The following BBS9 variants were observed in gnomAD, a reference collection of about 807,000 sequenced individuals.
BBS9 encodes the protein Bardet-Biedl syndrome 9, also known as protein PTHB1.
A neutral mutation model predicts 117.7 loss-of-function variants in BBS9; 89 were observed. The observed-to-expected ratio is 0.76, with a 90% CI of 0.64 to 0.90. The LOEUF (loss-of-function observed/expected upper bound fraction) is 0.90. BBS9 is among the 40% of genes least tolerant of loss of function. The pLI, the probability that BBS9 is intolerant of heterozygous loss-of-function variation, is 0.00. For synonymous variants in BBS9, 379 were observed against 370.9 expected, an observed-to-expected ratio of 1.02 and a Z score of -0.25; for missense variants, 982 against 1,042.2, an observed-to-expected ratio of 0.94 and a Z score of 0.80.
intron 21 of BBS9, among the ~76,000 whole-genome samples, chr7:33,545,920 A>T (rs1853262158): frequency 7.4e-6 from 1 of 135,072 alleles, no homozygotes; most frequent in Non-Finnish European, 1.5e-5. Context: ...ACTGCTTTAT[A>T]ATCCTTTTTT....
rs1288002467 is a variant in BBS9, at chr7:33,544,816, G to A, written c.2521+10640G>A. On this transcript the variant is annotated intron_variant, in intron 21 of 22. Transcript: ENST00000242067. ...TGGATAGGGAGAGACCACACAGGTC[G>A]GGGTGGGACTAGGTGTGTATGAGTT... Among the ~76,000 whole-genome samples the A allele has an allele frequency of 2.6e-5, 4 of 152,114 alleles. No individual in the cohort carries two copies. The South Asian group carries it at 6.2e-4, about 24-fold the overall frequency.
intron 5 of BBS9, among the ~76,000 whole-genome samples, chr7:33,207,552 T>C (rs11526177): frequency 0.2 from 29,490 of 150,418 alleles, 3,048 homozygotes; most frequent in Non-Finnish European, 0.23. Context: ...TTTTTTTTTG[T>C]TAGCATTTCT....
intron 21 of BBS9, among the ~76,000 whole-genome samples, chr7:33,626,789 A>G (rs1200214966): frequency 6.6e-6 from 1 of 152,226 alleles, no homozygotes; most frequent in Admixed American, 6.5e-5. Context: ...GCAGCAAAGC[A>G]TTAAATATGT....
At chr7:33,216,309 C>G (rs1487734186) in intron 5 of BBS9, among the ~76,000 whole-genome samples, 2 of 152,172 alleles carry the variant, frequency 1.3e-5, no homozygotes, top group Non-Finnish European at 2.9e-5. Context: ...AAATTCTTTA[C>G]TCTTGGTTGA....
At chr7:33,482,260 G>A (rs1192189335) in intron 19 of BBS9, among the ~76,000 whole-genome samples, 1 of 152,194 alleles carries the variant, frequency 6.6e-6, no homozygotes, top group Non-Finnish European at 1.5e-5. Context: ...TGCTCACTGA[G>A]TGGCAGAGGG....
At chr7:33,353,023 T>C (rs1818960598) in intron 15 of BBS9, 150 bp downstream of exon 15, 2 of 759,444 alleles carry the variant, frequency 2.6e-6, no homozygotes, top group South Asian at 3.6e-5. Context: ...TTGATTCTGC[T>C]ATGGAGAGCA....
chr7:33,515,362 C>T (rs11971061), intron 20 of BBS9, among the ~76,000 whole-genome samples: 7,744 of 147,966 alleles, frequency 0.052, 231 homozygotes, highest in African/African-American at 0.077. Flanking sequence ...TACAGCTCAT[C>T]GCTGTGTTTT....
intron 4 of BBS9, among the ~76,000 whole-genome samples, chr7:33,166,725 G>A (rs1584257562): frequency 2.0e-5 from 3 of 152,352 alleles, no homozygotes; most frequent in African/African-American, 7.2e-5. Context: ...GCCATTTGCT[G>A]AGACTGTTGG....
At chr7:33,266,928 A>G (rs868401373) in intron 7 of BBS9, among the ~76,000 whole-genome samples, 10 of 152,020 alleles carry the variant, frequency 6.6e-5, no homozygotes, top group Admixed American at 1.3e-4. Context: ...TATTTTTAGT[A>G]CAGATGGGGT....
At chr7:33,619,748 A>G (rs1416520330) in intron 21 of BBS9, among the ~76,000 whole-genome samples, 2 of 152,198 alleles carry the variant, frequency 1.3e-5, no homozygotes, top group African/African-American at 4.8e-5. Context: ...CTCCTGAATA[A>G]CCAATGGGTC....
chr7:33,215,224 C>G (rs1788827310), intron 5 of BBS9, among the ~76,000 whole-genome samples: 1 of 152,084 alleles, frequency 6.6e-6, no homozygotes, highest in South Asian at 2.1e-4. Context: ...GGAGGCATCG[C>G]ACTACTTGAC....
At chr7:33,418,640 G>A (rs985296790) in intron 19 of BBS9, among the ~76,000 whole-genome samples, 32 of 152,288 alleles carry the variant, frequency 2.1e-4, no homozygotes, top group African/African-American at 7.7e-4. Flanking sequence ...GAATGCTGTG[G>A]TGGCTTCACC....
At chr7:33,275,226 A>T (rs1417119926) in intron 9 of BBS9, among the ~76,000 whole-genome samples, 2 of 152,192 alleles carry the variant, frequency 1.3e-5, no homozygotes, top group African/African-American at 4.8e-5. Flanking sequence ...TTGCTTTCTT[A>T]TGTTTTATGA....
intron 5 of BBS9, among the ~76,000 whole-genome samples, chr7:33,237,072 A>T (rs1225865708): frequency 1.3e-5 from 2 of 152,188 alleles, no homozygotes; most frequent in East Asian, 3.8e-4. Flanking sequence ...AAAATATAAA[A>T]TGAATACATT....
chr7:33,245,551 A>G (rs990154840), intron 5 of BBS9, among the ~76,000 whole-genome samples: 6 of 152,136 alleles, frequency 3.9e-5, no homozygotes, highest in Non-Finnish European at 5.9e-5. Flanking sequence ...TTTTGGTTCT[A>G]GTGGATGCGA....
chr7:33,568,179 C>T (rs1160604340), intron 21 of BBS9, among the ~76,000 whole-genome samples: 5 of 152,142 alleles, frequency 3.3e-5, no homozygotes, highest in Non-Finnish European at 7.3e-5. Context: ...AGCCTTGTCT[C>T]TCAGCACTCC....
chr7:33,346,356 A>T, intron 12 of BBS9: 1 of 420,136 alleles, frequency 2.4e-6, no homozygotes, highest in South Asian at 1.9e-5. Context: ...GTGACCATCT[A>T]TTCCAGGCAA....
At chr7:33,486,369 C>G (rs1216227744) in intron 19 of BBS9, among the ~76,000 whole-genome samples, 1 of 152,160 alleles carries the variant, frequency 6.6e-6, no homozygotes, top group Non-Finnish European at 1.5e-5. Context: ...AGCCAGCAGT[C>G]AGACAATCTC....
chr7:33,420,767 G>T (rs1216877933), intron 19 of BBS9, among the ~76,000 whole-genome samples: 1 of 152,122 alleles, frequency 6.6e-6, no homozygotes, highest in Non-Finnish European at 1.5e-5. Context: ...TTTCTTTCCA[G>T]GCAGACAGGC....
Sources: gnomAD v4.1 joint callset for allele counts (sites outside exome capture counted in the v4.1 genomes callset) on GRCh38, gnomAD v4.1.1 for gene constraint, MANE v1.5 for transcripts, NCBI Gene and HGNC (gene_info 2026-07-23, HGNC 2026-07-21) for gene names.